The following DCDC2 variants were observed in gnomAD, a reference collection of about 807,000 sequenced individuals.
DCDC2 encodes the protein doublecortin domain-containing protein 2.
In DCDC2, 40 loss-of-function variants were observed where a neutral mutation model predicts 50.2. The ratio of observed to expected loss-of-function variants is 0.80; its 90% CI spans 0.62 to 1.04. The LOEUF is 1.04. Ranked by LOEUF, DCDC2 falls within the 50% of genes least tolerant of loss-of-function variation. The probability of loss-of-function intolerance (pLI) is 0.00; values close to 1 mark genes in which losing one functional copy is unlikely to be tolerated. For missense variants in DCDC2, 570 were observed against 581.9 expected, an observed-to-expected ratio of 0.98 and a Z score of 0.21; for synonymous variants, 234 against 210.6, an observed-to-expected ratio of 1.11 and a Z score of -0.96.
chr6:24,256,195 G>T (rs1410833982), intron 7 of DCDC2, among the ~76,000 whole-genome samples: 2 of 151,308 alleles, frequency 1.3e-5, no homozygotes, highest in Non-Finnish European at 2.9e-5. Flanking sequence ...TATGAAGATA[G>T]AAGTCAGAAT....
At chr6:24,191,990 C>G (rs563976376) in intron 8 of DCDC2, among the ~76,000 whole-genome samples, 2 of 152,270 alleles carry the variant, frequency 1.3e-5, no homozygotes, top group South Asian at 2.1e-4. Flanking sequence ...GAGGCACCAT[C>G]TGCCTCTGAA....
chr6:24,210,359 A>T (rs775371589), intron 7 of DCDC2, among the ~76,000 whole-genome samples: 1 of 152,172 alleles, frequency 6.6e-6, no homozygotes, highest in Non-Finnish European at 1.5e-5. Context: ...TTGGATGTCC[A>T]ATAGGCACCT....
At chr6:24,372,144 G>A in the DCDC2 span, among the ~76,000 whole-genome samples, 431 of 152,270 alleles carry the variant, frequency 2.8e-3, 3 homozygotes, top group African/African-American at 9.9e-3. Context: ...ATTATAGGCC[G>A]GGCGCGGTGG....
At chr6:24,301,650 G>A (rs1759377100) in intron 4 of DCDC2, 65 bp downstream of exon 4, 13 of 1,584,252 alleles carry the variant, frequency 8.2e-6, no homozygotes, top group Non-Finnish European at 1.1e-5. Flanking sequence ...AGTGACTCCG[G>A]AGCCTCCTGA....
Position 24,174,690 on chromosome 6 carries a change from A to C in DCDC2, c.*40T>G. 7.1e-7 allele frequency: 1 copy of C among 1,411,992 alleles called. No homozygotes were observed. The highest frequency in any genetic ancestry group is 1.7e-5 in the Admixed American group (1 of 58,988). 87.5% of individuals were successfully genotyped at this position (1,411,992 alleles called of 1,614,324 possible). A position where few individuals can be genotyped will look rare whatever the true frequency, so the allele number is the denominator to read the frequency against. On this transcript the variant is annotated 3_prime_UTR_variant, in exon 10 of 10. Coordinates refer to ENST00000378454, the MANE Select transcript of DCDC2 (RefSeq NM_016356.5). ...TATCTTTCAAGTATGATAACCCTTC[A>C]TTTTTCTTGCGATCCATATACTCTC...
intron 7 of DCDC2, among the ~76,000 whole-genome samples, chr6:24,217,425 T>C (rs887177852): frequency 1.9e-4 from 29 of 152,346 alleles, no homozygotes; most frequent in African/African-American, 7.0e-4. Context: ...GTTTCTACTA[T>C]AAGTATAAAG....
In DCDC2 at chr6:24,325,751, T is replaced by C. The variant is rs995331402; in HGVS notation, c.349-23707A>G. On this transcript the variant is annotated intron_variant, in intron 2 of 9. Transcript: ENST00000378454. Reference sequence around the variant, plus strand: ...TTCATCACATTCACATCTCAGCCTATAGAGCAGAGTTTATTCCTTAGTATA... The same window carrying C: ...TTCATCACATTCACATCTCAGCCTACAGAGCAGAGTTTATTCCTTAGTATA... Among the ~76,000 whole-genome samples the C allele has an allele frequency of 1.3e-5, 2 of 149,414 alleles. 1 individual carries two copies. The highest frequency in any genetic ancestry group is 4.5e-4 in the East Asian group (2 of 4,492).
chr6:24,357,412 A>G (rs879128970), intron 1 of DCDC2, 46 bp downstream of exon 1: 1 of 1,535,442 alleles, frequency 6.5e-7, no homozygotes, highest in Non-Finnish European at 8.8e-7. Context: ...TCAACCCCAC[A>G]CTATAGGGCA....
intron 4 of DCDC2, among the ~76,000 whole-genome samples, chr6:24,291,761 AG>A (rs912731416): frequency 1.3e-4 from 20 of 152,232 alleles, no homozygotes; most frequent in African/African-American, 4.6e-4. Context: ...CTGGGATTAC[AG>A]GCATGAGCCA....
In DCDC2 at chr6:24,204,992, T is replaced by G; in HGVS notation, c.1023+10A>C. On this transcript the variant is annotated intron_variant, in intron 8 of 9. Coordinates refer to ENST00000378454, the MANE Select transcript of DCDC2 (RefSeq NM_016356.5). ...TGTCTTACACATATTTTTTAAGGCA[T>G]GGAGATTACCTGATCGACTGGAACC... 558 of 1,579,352 alleles carry G rather than the reference T, an allele frequency of 3.5e-4. No homozygotes were observed. Among genetic ancestry groups the G allele is most frequent in the Non-Finnish European group, 4.4e-4 (509 of 1,151,048 alleles).
intron 8 of DCDC2, among the ~76,000 whole-genome samples, chr6:24,200,918 T>C (rs1761572775): frequency 6.6e-6 from 1 of 151,722 alleles, no homozygotes; most frequent in Non-Finnish European, 1.5e-5. Context: ...AAGAAGGCCA[T>C]TACATAATTG....
chr6:24,287,244 C>T (rs945861829), intron 6 of DCDC2, among the ~76,000 whole-genome samples: 4 of 152,216 alleles, frequency 2.6e-5, no homozygotes, highest in Non-Finnish European at 5.9e-5. Context: ...CTCATTGTCC[C>T]GGGGCTCGGG....
At position 24,358,059 on chromosome 6, in the gene DCDC2, T is replaced by C; in HGVS notation, c.-309A>G. The C allele has an allele frequency of 9.7e-7, 1 of 1,027,014 alleles. No homozygotes were observed. 63.6% of individuals were successfully genotyped at this position (1,027,014 alleles called of 1,614,324 possible). A position where few individuals can be genotyped will look rare whatever the true frequency, so the allele number is the denominator to read the frequency against. On this transcript the variant is annotated 5_prime_UTR_variant, in exon 1 of 10. Transcript: ENST00000378454. ...GGGCAGAATCAAGGTGGACAGCTTC[T>C]GAGCAGGAGCCGGAAACGCGCGGGG...
chr6:24,197,523 A>T (rs1022881897), intron 8 of DCDC2, among the ~76,000 whole-genome samples: 1 of 152,250 alleles, frequency 6.6e-6, no homozygotes, highest in Non-Finnish European at 1.5e-5. Context: ...CAGAAGACTT[A>T]AAGTTTCACT....
chr6:24,249,493 T>C (rs73394046), intron 7 of DCDC2, among the ~76,000 whole-genome samples: 5,200 of 152,316 alleles, frequency 0.034, 265 homozygotes, highest in African/African-American at 0.11. Context: ...TACAGTAATG[T>C]AGCTTTTGAT....
chr6:24,244,432 T>C (rs566302532), intron 7 of DCDC2, among the ~76,000 whole-genome samples: 2 of 152,214 alleles, frequency 1.3e-5, no homozygotes, highest in African/African-American at 2.4e-5. Flanking sequence ...GAAATCACCC[T>C]GACCTTTCAA....
chr6:24,320,660 G>C (rs1257082537), intron 2 of DCDC2, among the ~76,000 whole-genome samples: 1 of 152,006 alleles, frequency 6.6e-6, no homozygotes, highest in African/African-American at 2.4e-5. Flanking sequence ...ATATCTATTT[G>C]CATATAGACA....
chr6:24,185,336 T>C (rs781270576), intron 8 of DCDC2, among the ~76,000 whole-genome samples: 4 of 152,218 alleles, frequency 2.6e-5, no homozygotes, highest in Non-Finnish European at 5.9e-5. Context: ...ATTTTAGTAG[T>C]CATCAAATGA....
chr6:24,327,483 T>G (rs58467060), intron 2 of DCDC2, among the ~76,000 whole-genome samples: 8,477 of 144,112 alleles, frequency 0.059, 675 homozygotes, highest in Non-Finnish European at 0.07. Flanking sequence ...TTTATTTATT[T>G]ATTGGCTGAT....
Sources: gnomAD v4.1 joint callset for allele counts (sites outside exome capture counted in the v4.1 genomes callset) on GRCh38, gnomAD v4.1.1 for gene constraint, MANE v1.5 for transcripts, NCBI Gene and HGNC (gene_info 2026-07-23, HGNC 2026-07-21) for gene names.